Variants in DHX37 observed in about 807,000 individuals in gnomAD.
DHX37 encodes DEAH-box helicase 37, also known as probable ATP-dependent RNA helicase DHX37.
In DHX37, 52 loss-of-function variants were observed where a neutral mutation model predicts 134.3. That is an observed-to-expected ratio of 0.39 (90% CI 0.31 to 0.49). The LOEUF (loss-of-function observed/expected upper bound fraction) is 0.49. Among genes scored for constraint, DHX37 ranks in the 20% least tolerant of loss-of-function variants. DHX37 has a pLI of 0.93. For missense variants in DHX37, 1,344 were observed against 1,580.8 expected, an observed-to-expected ratio of 0.85 and a Z score of 2.54; for synonymous variants, 634 against 670.7, an observed-to-expected ratio of 0.95 and a Z score of 0.85.
chr12:124,969,006 C>T lies in DHX37; in HGVS notation c.1192-38G>A, dbSNP rs746382685. ...AGGCTCAGTGACCGTGGCCCCAGGA[C>T]CGCAGGTGGGTCTGAAGCCTGGGAA... is the stretch of plus-strand genomic sequence containing the variant. On this transcript the variant is annotated intron_variant, in intron 8 of 26. Coordinates refer to ENST00000308736, the MANE Select transcript of DHX37 (RefSeq NM_032656.4). 4 of 1,595,940 alleles carry T rather than the reference C, an allele frequency of 2.5e-6. No individual in the cohort carries two copies. In the East Asian group the frequency reaches 6.8e-5, roughly 27 times the overall value.
chr12:124,965,164 GGGGAA>G, intron 13 of DHX37, 158 bp from the exon 14 acceptor site: 1 of 340,308 alleles, frequency 2.9e-6, no homozygotes, highest in Non-Finnish European at 4.2e-6. Flanking sequence ...GCCAAGCCTG[GGGGAA>G]CTGCTGAGAG....
intron 1 of DHX37, among the ~76,000 whole-genome samples, chr12:124,986,996 C>T (rs1343601084): frequency 6.6e-6 from 1 of 152,160 alleles, no homozygotes; most frequent in African/African-American, 2.4e-5. Flanking sequence ...AGCCACCCGC[C>T]TCAGCCTCCC....
In DHX37 at chr12:124,949,458, G is replaced by A. The variant is rs1245827010; in HGVS notation, c.3290+528C>T. Reference sequence around the variant, plus strand: ...GAAGCAGAGGTGGTGGGCGGGATGGGGCAGGGGTCTGCTTAGCTGGGAGGA... The same window carrying A: ...GAAGCAGAGGTGGTGGGCGGGATGGAGCAGGGGTCTGCTTAGCTGGGAGGA... On this transcript the variant is annotated intron_variant, in intron 25 of 26. Coordinates refer to ENST00000308736, the MANE Select transcript of DHX37 (RefSeq NM_032656.4). This position sits in a 1 kb window ranked among gnomAD's most constrained non-coding sequence, Gnocchi z 4.0. Among the ~76,000 whole-genome samples, 3 of 122,462 alleles carry A rather than the reference G, an allele frequency of 2.4e-5. No individual in the cohort carries two copies. The highest frequency in any genetic ancestry group is 3.8e-4 in the East Asian group (1 of 2,602). 80.3% of individuals were successfully genotyped at this position (122,462 alleles called of 152,430 possible). A position where few individuals can be genotyped will look rare whatever the true frequency, so the allele number is the denominator to read the frequency against.
chr12:124,981,271 G>A (rs1954753897), intron 3 of DHX37, among the ~76,000 whole-genome samples: 1 of 151,642 alleles, frequency 6.6e-6, no homozygotes, highest in African/African-American at 2.4e-5. Flanking sequence ...TCGATAAACA[G>A]TCACTAACTG....
chr12:124,961,268 A>T (rs954269345), intron 15 of DHX37, among the ~76,000 whole-genome samples: 8 of 100,304 alleles, frequency 8.0e-5, no homozygotes, highest in Admixed American at 1.8e-4. Context: ...ACACACATAC[A>T]CGCGTGCACG....
At chr12:124,970,052 A>C (rs1954482626) in intron 8 of DHX37, among the ~76,000 whole-genome samples, 1 of 152,214 alleles carries the variant, frequency 6.6e-6, no homozygotes, top group African/African-American at 2.4e-5. Flanking sequence ...GGCTCACTGC[A>C]AGCTCCACCC....
intron 18 of DHX37, 89 bp from the exon 19 acceptor site, chr12:124,954,300 G>A: frequency 6.7e-7 from 1 of 1,495,712 alleles, no homozygotes; most frequent in African/African-American, 1.4e-5. Flanking sequence ...ATCGGGACAG[G>A]CTCAGAGGCC....
In DHX37 at chr12:124,968,872, T is replaced by A. The variant is rs772541446; in HGVS notation, c.1288A>T (p.Ile430Phe). ...PRLFAKPPPVIKVESRQFPVT... is the reference protein window; with the variant it reads ...PRLFAKPPPVFKVESRQFPVT... ...GACATGGGACCCTGTGTTACCTTGA[T>A]GACCGGCGGCGGCTTGGCGAAGAGC... The change falls in exon 9 of 27, where the codon ATC (isoleucine) becomes TTC (phenylalanine). Residue 430 changes from isoleucine to phenylalanine, a missense_variant. Transcript: ENST00000308736. 2.5e-6 allele frequency: 4 copies of A among 1,613,992 alleles called. No homozygotes were observed. The Admixed American group carries it at 5.0e-5, about 20-fold the overall frequency.
At chr12:124,988,451 A>G (rs886890587) in intron 1 of DHX37, among the ~76,000 whole-genome samples, 1 of 152,124 alleles carries the variant, frequency 6.6e-6, no homozygotes, top group African/African-American at 2.4e-5. Context: ...AGGTAAACTC[A>G]GGGATTTTCT....
At chr12:124,968,381 G>T (rs1358640613) in intron 10 of DHX37, among the ~76,000 whole-genome samples, 153 bp downstream of exon 10, 1 of 152,230 alleles carries the variant, frequency 6.6e-6, no homozygotes, top group Non-Finnish European at 1.5e-5. Flanking sequence ...CCAGACAGGT[G>T]TCATGAACAC....
intron 10 of DHX37, 148 bp downstream of exon 10, chr12:124,968,386 G>A: frequency 7.5e-7 from 1 of 1,342,020 alleles, no homozygotes; most frequent in Non-Finnish European, 1.0e-6. Flanking sequence ...CAGGTGTCAT[G>A]AACACTCTGG....
rs183003817 is a variant in DHX37 at position 124,964,561 on chromosome 12, C to T, written c.1878G>A (p.Ser626=). ...CGTACTTGATGCCAGGGATGGTAAG[C>T]GACGTCTCGGCCACATTGGTGGCCA... ...CVVATNVAET[S]LTIPGIKYVV... is the part of the protein sequence containing the mutation. Residue 626 remains serine, a synonymous_variant, in exon 15 of 27, where the codon TCG becomes TCA. Transcript: ENST00000308736. The T allele has an allele frequency of 2.5e-4, 406 of 1,613,454 alleles. 3 individuals carry two copies. The highest frequency in any genetic ancestry group is 1.7e-4 in the Middle Eastern group (1 of 6,058).
At chr12:124,956,906 G>C in intron 17 of DHX37, 27 bp from the exon 18 acceptor site, 1 of 1,565,174 alleles carries the variant, frequency 6.4e-7, no homozygotes. Context: ...TGGTGGCAGT[G>C]CTCTGAGAGG....
chr12:124,987,846 T>G (rs1954904644), intron 1 of DHX37, among the ~76,000 whole-genome samples: 1 of 152,158 alleles, frequency 6.6e-6, no homozygotes. Context: ...AGTGTCATGT[T>G]GACACTCAAA....
In DHX37 at chr12:124,947,869, C is replaced by T. The variant is rs1953903910; in HGVS notation, c.3407G>A (p.Cys1136Tyr). Residue 1136 changes from cysteine to tyrosine, a missense_variant, in exon 27 of 27, where the codon TGT (cysteine) becomes TAT (tyrosine). Coordinates refer to ENST00000308736, the MANE Select transcript of DHX37 (RefSeq NM_032656.4). Reference protein sequence around the residue: ...KNPKYLLAEYCEWLPQAMHPD... With the variant: ...KNPKYLLAEYYEWLPQAMHPD... ...GTGCATGGCCTGTGGAAGCCACTCACAGTACTCAGCCAGCAGGTCTGCAGG... is the reference window on the plus strand; with the variant it reads ...GTGCATGGCCTGTGGAAGCCACTCATAGTACTCAGCCAGCAGGTCTGCAGG... 24 of 1,609,708 alleles carry T rather than the reference C, an allele frequency of 1.5e-5. No individual in the cohort carries two copies. The highest frequency in any genetic ancestry group is 2.0e-5 in the Non-Finnish European group (23 of 1,177,624).
intron 15 of DHX37, among the ~76,000 whole-genome samples, chr12:124,963,666 G>A (rs551352424): frequency 5.9e-4 from 88 of 149,774 alleles, no homozygotes; most frequent in African/African-American, 2.1e-3. Context: ...TCAGGAGATC[G>A]AGACCATCCT....
In DHX37 at chr12:124,950,182, G is replaced by A; in HGVS notation, c.3183C>T (p.Tyr1061=). ...EVDFPEGIDR[Y]KHFARFLLEG... ...CCAGCAGGAACCGGGCAAAGTGCTT[G>A]TAGCGGTCAATCCCCTCTGGAAAAT... Residue 1061 remains tyrosine (Y), a synonymous_variant, in exon 24 of 27, where the codon TAC becomes TAT. Coordinates refer to ENST00000308736, the MANE Select transcript of DHX37 (RefSeq NM_032656.4). The A allele has an allele frequency of 2.5e-6, 4 of 1,614,098 alleles. No homozygotes were observed. Among genetic ancestry groups the A allele is most frequent in the South Asian group, 2.2e-5 (2 of 91,088 alleles).
At position 124,948,112 on chromosome 12, in the gene DHX37, C is replaced by A. The variant is rs774620946; in HGVS notation, c.3360G>T (p.Leu1120Phe). 6.2e-7 allele frequency: 1 copy of A among 1,614,260 alleles called. No homozygotes were observed. Among genetic ancestry groups the A allele is most frequent in the South Asian group, 1.1e-5 (1 of 91,088 alleles). Residue 1120 changes from leucine (L) to phenylalanine (F), a missense_variant, in exon 26 of 27, where the codon TTG (leucine) becomes TTT (phenylalanine). Coordinates refer to ENST00000308736, the MANE Select transcript of DHX37 (RefSeq NM_032656.4). ...TGGGGTTTTTCTTCCAAGCAGCCAG[C>A]AAGGCTTCATGGCAGTCAGCCTTCT... ...VAEKADCHEALLAAWKKNPKY... is the reference protein window; with the variant it reads ...VAEKADCHEAFLAAWKKNPKY...
Sources: gnomAD v4.1 joint callset for allele counts (sites outside exome capture counted in the v4.1 genomes callset) on GRCh38, gnomAD v4.1.1 for gene constraint, Gnocchi (gnomAD v3.1) non-coding constraint, MANE v1.5 for transcripts, NCBI Gene and HGNC (gene_info 2026-07-23, HGNC 2026-07-21) for gene names.